SUGCT: variants seen among roughly 807,000 people sequenced by gnomAD.
SUGCT encodes succinyl-CoA:glutarate-CoA transferase, also known as succinyl-CoA:glutarate CoA-transferase.
In SUGCT, 41 loss-of-function variants were observed where a neutral mutation model predicts 55.0. That is an observed-to-expected ratio of 0.74 (90% CI 0.58 to 0.97). SUGCT has a LOEUF of 0.97. Among genes scored for constraint, SUGCT ranks in the 50% least tolerant of loss-of-function variants. SUGCT has a pLI of 0.00. For synonymous variants in SUGCT, 187 were observed against 200.4 expected (o/e 0.93, Z 0.56); for missense variants, 568 against 547.8 (o/e 1.04, Z -0.37).
At chr7:40,661,768 T>C (rs1801309956) in intron 12 of SUGCT, among the ~76,000 whole-genome samples, 1 of 152,206 alleles carries the variant, frequency 6.6e-6, no homozygotes, top group African/African-American at 2.4e-5. Context: ...CTTTTCAGGC[T>C]TTCTGCAACA....
chr7:40,157,986 A>G (rs1479900895), intron 1 of SUGCT, among the ~76,000 whole-genome samples: 1 of 152,120 alleles, frequency 6.6e-6, no homozygotes, highest in Non-Finnish European at 1.5e-5. Flanking sequence ...AGGCAGGCAG[A>G]TCACGAGGTC....
chr7:40,536,716 C>G (rs979859317), intron 12 of SUGCT, among the ~76,000 whole-genome samples: 4 of 152,176 alleles, frequency 2.6e-5, no homozygotes, highest in Non-Finnish European at 5.9e-5. Flanking sequence ...ACATATCAAT[C>G]ACTAGTTACC....
At chr7:40,552,516 C>T (rs1795352853) in intron 12 of SUGCT, among the ~76,000 whole-genome samples, 1 of 152,116 alleles carries the variant, frequency 6.6e-6, no homozygotes, top group Admixed American at 6.5e-5. Flanking sequence ...CTCAACTCCC[C>T]CACTCATCTG....
intron 13 of SUGCT, among the ~76,000 whole-genome samples, chr7:40,843,521 T>C (rs1458779868): frequency 1.1e-5 from 1 of 92,436 alleles, no homozygotes; most frequent in Non-Finnish European, 2.4e-5. Flanking sequence ...AAAAAAAAAG[T>C]TGAAGTGAGT....
At chr7:40,565,769 A>C (rs1796099390) in intron 12 of SUGCT, among the ~76,000 whole-genome samples, 1 of 152,058 alleles carries the variant, frequency 6.6e-6, no homozygotes, top group Admixed American at 6.5e-5. Context: ...GTTCTCTAGC[A>C]CACTAAGCAA....
intron 13 of SUGCT, among the ~76,000 whole-genome samples, chr7:40,790,609 T>C (rs564290484): frequency 6.6e-6 from 1 of 152,338 alleles, no homozygotes; most frequent in African/African-American, 2.4e-5. Context: ...CTACAGAAAT[T>C]ATTTGCAGAC....
intron 1 of SUGCT, chr7:40,152,491 C>T (rs1788624503): frequency 9.5e-6 from 2 of 209,586 alleles, no homozygotes; most frequent in Admixed American, 8.6e-5. Flanking sequence ...GGTCACCATA[C>T]AATCAGCAGA....
intron 11 of SUGCT, among the ~76,000 whole-genome samples, chr7:40,475,030 C>G (rs1164899563): frequency 6.6e-6 from 1 of 152,126 alleles, no homozygotes; most frequent in Non-Finnish European, 1.5e-5. Context: ...TCTAAGTTTT[C>G]ACTCTTTTTG....
intron 9 of SUGCT, among the ~76,000 whole-genome samples, chr7:40,441,575 A>AG (rs200185287): frequency 0.019 from 2,854 of 152,294 alleles, 122 homozygotes; most frequent in Admixed American, 0.1. Context: ...TGCTTGTGAT[A>AG]GGATGTTAAA....
chr7:40,976,487 T>C, the SUGCT span, among the ~76,000 whole-genome samples: 7 of 152,236 alleles, frequency 4.6e-5, no homozygotes, highest in Non-Finnish European at 8.8e-5. Context: ...TTGTATCTTA[T>C]AACAGTGCCA....
At chr7:40,872,522 C>T in the SUGCT span, among the ~76,000 whole-genome samples, 1 of 152,162 alleles carries the variant, frequency 6.6e-6, no homozygotes, top group Non-Finnish European at 1.5e-5. Flanking sequence ...AATTAGAGAA[C>T]TATAAGTTGT....
Position 40,830,185 on chromosome 7 carries a change from C to A in SUGCT, c.1154-30131C>A, listed in dbSNP as rs187184101. Among the ~76,000 whole-genome samples, 10 of 152,286 alleles carry A rather than the reference C, an allele frequency of 6.6e-5. No individual in the cohort carries two copies. In the East Asian group the frequency reaches 1.9e-3, roughly 30 times the overall value. On this transcript the variant is annotated intron_variant, in intron 13 of 13. Coordinates refer to ENST00000335693, the MANE Select transcript of SUGCT (RefSeq NM_001193313.2). Reference sequence around the variant, plus strand: ...AGGTCTGCTCTGCTGACCACAGTCACCTCCCAGTGCTTGCCTGCCTTCACC... The same window carrying A: ...AGGTCTGCTCTGCTGACCACAGTCAACTCCCAGTGCTTGCCTGCCTTCACC...
chr7:40,752,346 A>G (rs1413171773), intron 13 of SUGCT, among the ~76,000 whole-genome samples: 4 of 152,056 alleles, frequency 2.6e-5, no homozygotes, highest in Non-Finnish European at 5.9e-5. Flanking sequence ...AGTCCAAGCA[A>G]ATTTTATTTT....
chr7:40,403,315 T>C (rs564677010), intron 9 of SUGCT, among the ~76,000 whole-genome samples: 45 of 152,304 alleles, frequency 3.0e-4, no homozygotes, highest in Non-Finnish European at 5.3e-4. Flanking sequence ...GCAAGCTTTA[T>C]TCACAGATAC....
the SUGCT span, among the ~76,000 whole-genome samples, chr7:40,907,354 G>T: frequency 6.6e-6 from 1 of 152,164 alleles, no homozygotes; most frequent in Non-Finnish European, 1.5e-5. Flanking sequence ...GTGTAATCTA[G>T]TTTTTACCTT....
chr7:40,193,062 G>C (rs1361660369), intron 5 of SUGCT, among the ~76,000 whole-genome samples: 1 of 150,862 alleles, frequency 6.6e-6, no homozygotes, highest in Non-Finnish European at 1.5e-5. Flanking sequence ...CACCTTCTGG[G>C]CTCAAGCAGT....
At chr7:40,454,618 G>GA (rs66972265) in intron 10 of SUGCT, among the ~76,000 whole-genome samples, 137,763 of 152,084 alleles carry the variant, frequency 0.91, 62,604 homozygotes, top group African/African-American at 0.97. Context: ...CCCAGAGGGG[G>GA]AAAAAATGTA....
At chr7:40,450,866 G>A (rs934570391) in intron 10 of SUGCT, among the ~76,000 whole-genome samples, 2 of 152,064 alleles carry the variant, frequency 1.3e-5, no homozygotes, top group Non-Finnish European at 2.9e-5. Context: ...TGCCTCTTTT[G>A]TATGAGAAGG....
chr7:40,388,888 A>G (rs1785259682), intron 9 of SUGCT, among the ~76,000 whole-genome samples: 1 of 152,168 alleles, frequency 6.6e-6, no homozygotes, highest in African/African-American at 2.4e-5. Flanking sequence ...AGAAAGAGTC[A>G]TCCATGGTTC....
Sources: gnomAD v4.1 joint callset for allele counts (sites outside exome capture counted in the v4.1 genomes callset) on GRCh38, gnomAD v4.1.1 for gene constraint, MANE v1.5 for transcripts, NCBI Gene and HGNC (gene_info 2026-07-23, HGNC 2026-07-21) for gene names.